Variants in PIGG observed in about 807,000 individuals in gnomAD.
PIGG encodes the protein phosphatidylinositol glycan anchor biosynthesis class G (EMM blood group).
In PIGG, 70 loss-of-function variants were observed where a neutral mutation model predicts 83.2. The ratio of observed to expected loss-of-function variants is 0.84; its 90% CI spans 0.69 to 1.03. The LOEUF is 1.03. PIGG is among the 50% of genes least tolerant of loss of function. The pLI, the probability that PIGG is intolerant of heterozygous loss-of-function variation, is 0.00. For missense variants in PIGG, 1,257 were observed against 1,233.6 expected (o/e 1.02, Z -0.28); for synonymous variants, 532 against 519.5 (o/e 1.02, Z -0.33).
At chr4:501,263 G>A (rs1004312903) in intron 2 of PIGG, 6 of 407,990 alleles carry the variant, frequency 1.5e-5, no homozygotes, top group Admixed American at 5.8e-5. Flanking sequence ...TAGTATCTCT[G>A]CCTTCATGTA....
chr4:537,804 G>A (rs531946047), intron 12 of PIGG, among the ~76,000 whole-genome samples: 2 of 152,182 alleles, frequency 1.3e-5, no homozygotes, highest in South Asian at 4.1e-4. Context: ...GGGAGCCGGT[G>A]GGGGGCTGAG....
Position 507,523 on chromosome 4 carries a change from C to T in PIGG, c.689C>T (p.Pro230Leu). ...HIGHISGPNS[P>L]LIGQKLSEMD... ...GGCCACATTTCAGGGCCCAACAGCC[C>T]CCTGATTGGGCAGAAGCTGAGCGAG... is the stretch of plus-strand genomic sequence containing the variant. The change falls in exon 4 of 13, where the codon CCC (proline) becomes CTC (leucine). Residue 230 changes from proline (P) to leucine (L), a missense_variant. By Grantham distance (98) the Pro-to-Leu change is moderately conservative (BLOSUM62 -3). Transcript: ENST00000453061. The T allele has an allele frequency of 6.2e-7, 1 of 1,614,168 alleles. No homozygotes were observed. Among genetic ancestry groups the T allele is most frequent in the Non-Finnish European group, 8.5e-7 (1 of 1,179,988 alleles).
chr4:530,551 G>C lies in PIGG; in HGVS notation c.2377G>C (p.Gly793Arg). The C allele has an allele frequency of 1.9e-6, 3 of 1,613,652 alleles. No homozygotes were observed. Among genetic ancestry groups the C allele is most frequent in the Non-Finnish European group, 2.5e-6 (3 of 1,179,600 alleles). ...TGCAGACTTCAAACTCAAGACTGTAGGTTTATGGGAGATATATAGTGGATT... is the reference window on the plus strand; with the variant it reads ...TGCAGACTTCAAACTCAAGACTGTACGTTTATGGGAGATATATAGTGGATT... ...IAADFKLKTV[G>R]LWEIYSGLVL... Residue 793 changes from glycine (G) to arginine (R), a missense_variant, in exon 11 of 13, where the codon GGT becomes CGT. Gly to Arg is a moderately radical substitution (Grantham distance 125, BLOSUM62 -2). Coordinates refer to ENST00000453061, the MANE Select transcript of PIGG (RefSeq NM_001127178.3).
rs538925269 is a variant in PIGG, at chr4:516,385, A to G, written c.1114+200A>G. On this transcript the variant is annotated intron_variant, in intron 6 of 12. Coordinates refer to ENST00000453061, the MANE Select transcript of PIGG (RefSeq NM_001127178.3). Reference sequence around the variant, plus strand: ...GCAGCACCCTCAGATGCAGTTATCTAAAGTTCTTTCATAAATTTATTCATT... The same window carrying G: ...GCAGCACCCTCAGATGCAGTTATCTGAAGTTCTTTCATAAATTTATTCATT... Among the ~76,000 whole-genome samples, 3 of 152,342 alleles carry G rather than the reference A, an allele frequency of 2.0e-5. No individual in the cohort carries two copies. The East Asian group carries it at 5.8e-4, about 29-fold the overall frequency.
intron 5 of PIGG, among the ~76,000 whole-genome samples, chr4:509,997 C>T (rs1553882380): frequency 1.3e-5 from 2 of 152,210 alleles, no homozygotes. Flanking sequence ...CTTTTGCCCA[C>T]CATGATCTCC....
intron 5 of PIGG, among the ~76,000 whole-genome samples, chr4:512,390 T>C (rs1722325113): frequency 6.6e-6 from 1 of 151,898 alleles, no homozygotes; most frequent in South Asian, 2.1e-4. Flanking sequence ...TTAATTTTTG[T>C]ATTTTTAGTA....
intron 5 of PIGG, among the ~76,000 whole-genome samples, chr4:513,003 G>A (rs1288000863): frequency 6.6e-6 from 1 of 152,136 alleles, no homozygotes; most frequent in East Asian, 1.9e-4. Flanking sequence ...TGTGTTCTGG[G>A]CTGCACCCAC....
intron 10 of PIGG, chr4:527,515 C>T: frequency 4.2e-6 from 5 of 1,179,988 alleles, no homozygotes; most frequent in Middle Eastern, 3.5e-4. Context: ...TAAAATAAAA[C>T]CTTCAGGGTG....
At chr4:530,999 C>T (rs148904379) in intron 11 of PIGG, 4 of 488,230 alleles carry the variant, frequency 8.2e-6, no homozygotes, top group Non-Finnish European at 1.4e-5. Flanking sequence ...TTATTTATTA[C>T]AAGCAGTTCA....
chr4:516,286 T>C (rs747415059), intron 6 of PIGG, 101 bp downstream of exon 6: 1 of 754,334 alleles, frequency 1.3e-6, no homozygotes, highest in Non-Finnish European at 2.3e-6. Flanking sequence ...GTCACAGGAG[T>C]ATTTTTTCAT....
intron 5 of PIGG, among the ~76,000 whole-genome samples, chr4:512,582 C>A (rs140360780): frequency 3.3e-5 from 5 of 151,720 alleles, no homozygotes; most frequent in Non-Finnish European, 7.4e-5. Context: ...TTTGGGAGGC[C>A]AAGGCGGGTG....
chr4:509,857 T>G (rs1721285748), intron 5 of PIGG, among the ~76,000 whole-genome samples: 1 of 152,232 alleles, frequency 6.6e-6, no homozygotes, highest in African/African-American at 2.4e-5. Flanking sequence ...TCTCTCTAAG[T>G]GTCCCCATTC....
intron 12 of PIGG, among the ~76,000 whole-genome samples, chr4:537,541 C>A (rs1179859071): frequency 2.0e-5 from 3 of 152,148 alleles, no homozygotes; most frequent in African/African-American, 4.8e-5. Flanking sequence ...ATTGAGGATA[C>A]CTTGGGGTCC....
intron 6 of PIGG, 21 bp from the exon 7 acceptor site, chr4:521,035 A>G (rs1229451668): frequency 1.3e-6 from 2 of 1,571,012 alleles, no homozygotes; most frequent in Admixed American, 1.7e-5. Flanking sequence ...CGCGCCTGTA[A>G]CCTTTCTGTC....
intron 6 of PIGG, among the ~76,000 whole-genome samples, chr4:516,650 A>G (rs1723957912): frequency 6.6e-6 from 1 of 152,010 alleles, no homozygotes; most frequent in Non-Finnish European, 1.5e-5. Context: ...GAAGTCAGGA[A>G]TTGAAGACCA....
At position 507,524 on chromosome 4, in the gene PIGG, CCT is replaced by C. The variant is rs782631498; in HGVS notation, c.691_692del (p.Leu231AspfsTer37). The C allele has an allele frequency of 6.2e-6, 10 of 1,614,162 alleles. No homozygotes were observed. Among genetic ancestry groups the C allele is most frequent in the Admixed American group, 1.7e-5 (1 of 60,028 alleles). On this transcript the variant is annotated frameshift_variant, in exon 4 of 13. Transcript: ENST00000453061. LOFTEE classifies it high-confidence loss of function. ...IGHISGPNSP[L>X]IGQKLSEMDS... ...GCCACATTTCAGGGCCCAACAGCCCCCTGATTGGGCAGAAGCTGAGCGAGATG... is the reference window on the plus strand; with the variant it reads ...GCCACATTTCAGGGCCCAACAGCCCCGATTGGGCAGAAGCTGAGCGAGATG...
chr4:505,815 C>G lies in PIGG; in HGVS notation c.458C>G (p.Ala153Gly), dbSNP rs1553878728. Residue 153 changes from alanine (A) to glycine (G), a missense_variant, in exon 3 of 13, where the codon GCA (alanine) becomes GGA (glycine). Ala to Gly is a moderately conservative substitution (Grantham distance 60). Coordinates refer to ENST00000453061, the MANE Select transcript of PIGG (RefSeq NM_001127178.3). The stretch of plus-strand genomic sequence containing the variant: ...GACAGTGTGATAAGACAAGCAAAAG[C>G]AGCTGGAAAAAGAATAGTCTTTTAT... ...LEDSVIRQAK[A>G]AGKRIVFYGD... The G allele has an allele frequency of 6.2e-7, 1 of 1,612,926 alleles. No individual in the cohort carries two copies. The highest frequency in any genetic ancestry group is 1.3e-5 in the African/African-American group (1 of 74,590).
intron 10 of PIGG, among the ~76,000 whole-genome samples, chr4:529,864 C>T (rs560965523): frequency 9.8e-5 from 15 of 152,308 alleles, no homozygotes; most frequent in East Asian, 3.9e-4. Context: ...CAGCAGGGCT[C>T]GGACTGAGCA....
At chr4:522,743 G>A (rs1726386337) in intron 8 of PIGG, 1 of 153,958 alleles carries the variant, frequency 6.5e-6, no homozygotes, top group African/African-American at 2.4e-5. Context: ...TGCACCTCGG[G>A]CCCATCTGGG....
Sources: gnomAD v4.1 joint callset for allele counts (sites outside exome capture counted in the v4.1 genomes callset) on GRCh38, gnomAD v4.1.1 for gene constraint, MANE v1.5 for transcripts, NCBI Gene and HGNC (gene_info 2026-07-23, HGNC 2026-07-21) for gene names.